The following XAGE5 variants were observed in gnomAD, a reference collection of about 807,000 sequenced individuals.
The protein encoded by XAGE5 is G antigen, family D, 5.
In XAGE5, 13 loss-of-function variants were observed where a neutral mutation model predicts 13.1. That is an observed-to-expected ratio of 0.99 (90% CI 0.64 to 1.57). The LOEUF (loss-of-function observed/expected upper bound fraction) is 1.57, where lower values mean the gene tolerates loss of function less well. Among genes scored for constraint, XAGE5 ranks in the 40% most tolerant of loss-of-function variants. The probability of loss-of-function intolerance (pLI) is 0.00; values close to 1 mark genes in which losing one functional copy is unlikely to be tolerated. For missense variants in XAGE5, 86 were observed against 77.6 expected (o/e 1.11, Z -0.41); for synonymous variants, 17 against 25.0 (o/e 0.68, Z 0.96).
intron 3 of XAGE5, 83 bp downstream of exon 3, chrX:52,812,721 T>G (rs1387662139): frequency 1.2e-6 from 1 of 858,829 alleles, no homozygotes; most frequent in Non-Finnish European, 1.7e-6. Context: ...ATAGATACAC[T>G]GATAAAGGTC....
chrX:52,815,234 G>C lies in XAGE5; in HGVS notation c.304+17G>C, dbSNP rs782691531. 7 of 1,197,136 alleles carry C rather than the reference G, an allele frequency of 5.8e-6. No homozygotes were observed. Among genetic ancestry groups the C allele is most frequent in the African/African-American group, 1.8e-5 (1 of 56,767 alleles). Reference sequence around the variant, plus strand: ...CAGAAGGAGGTATGTTATCCATTAAGATTAAAAATTATGTGCTTTCTGTAT... The same window carrying C: ...CAGAAGGAGGTATGTTATCCATTAACATTAAAAATTATGTGCTTTCTGTAT... On this transcript the variant is annotated intron_variant, in intron 5 of 5. Transcript: ENST00000375501.
rs1926798733 is a variant in XAGE5 at position 52,811,628 on chromosome X, G to T, written c.-100G>T. 9.0e-6 allele frequency among the ~76,000 whole-genome samples: 1 copy of T among 110,779 alleles called. No homozygotes were observed. The highest frequency in any genetic ancestry group is 1.9e-5 in the Non-Finnish European group (1 of 52,897). On this transcript the variant is annotated 5_prime_UTR_variant, in exon 2 of 6. Transcript: ENST00000375501. The stretch of plus-strand genomic sequence containing the variant: ...CTGGGGCAATGCTGGGGTGCTGTTG[G>T]TGGTATTCCAGTCCCAGAAACGCCT...
chrX:52,815,031 T>A (rs1475714223), intron 4 of XAGE5, 61 bp from the exon 5 acceptor site: 2 of 1,182,167 alleles, frequency 1.7e-6, no homozygotes, highest in Admixed American at 2.2e-5. Context: ...AAGAATAGGA[T>A]CATCTCCTTA....
At chrX:52,815,268 A>G (rs1556777975) in intron 5 of XAGE5, 51 bp downstream of exon 5, 1 of 1,129,686 alleles carries the variant, frequency 8.9e-7, no homozygotes, top group African/African-American at 1.8e-5. Flanking sequence ...ATTACACAAT[A>G]TTATACTTTT....
chrX:52,814,241 A>G (rs1556777791), intron 4 of XAGE5: 1 of 329,998 alleles, frequency 3.0e-6, no homozygotes, highest in Non-Finnish European at 5.9e-6. Flanking sequence ...CAGGATAGCA[A>G]CTCCAGAAAA....
In XAGE5 at chrX:52,811,597, G is replaced by A. The variant is rs1926797509; in HGVS notation, c.-131G>A. Among the ~76,000 whole-genome samples the A allele has an allele frequency of 9.0e-6, 1 of 110,999 alleles. No homozygotes were observed. Among genetic ancestry groups the A allele is most frequent in the African/African-American group, 3.3e-5 (1 of 30,454 alleles). ...GGCTTCGGAGTGCGACGGGGGTTAG[G>A]TGAAGCTGGGGCAATGCTGGGGTGC... On this transcript the variant is annotated 5_prime_UTR_variant, in exon 2 of 6. It adds an upstream start codon to the 5' untranslated region. Transcript: ENST00000375501.
chrX:52,812,490 C>T (rs1926817948), intron 2 of XAGE5, 69 bp from the exon 3 acceptor site: 2 of 1,011,712 alleles, frequency 2.0e-6, no homozygotes, highest in Non-Finnish European at 2.7e-6. Context: ...GCCAAGCTGG[C>T]CTCGAGCTTC....
chrX:52,813,275 T>C (rs1308280271), intron 4 of XAGE5, 30 bp downstream of exon 4: 1 of 1,170,627 alleles, frequency 8.5e-7, no homozygotes, highest in Non-Finnish European at 1.2e-6. Flanking sequence ...GGAATGTCTA[T>C]GGGGGGAGGA....
intron 5 of XAGE5, 50 bp from the exon 6 acceptor site, chrX:52,818,141 T>C: frequency 8.3e-7 from 1 of 1,202,325 alleles, no homozygotes; most frequent in Non-Finnish European, 1.1e-6. Context: ...TAATTTCATC[T>C]GAATACAGTT....
chrX:52,814,943 A>T (rs371979785), intron 4 of XAGE5, 149 bp from the exon 5 acceptor site: 2 of 603,971 alleles, frequency 3.3e-6, no homozygotes, highest in Non-Finnish European at 5.1e-6. Flanking sequence ...GTCATTTAAG[A>T]TAAGATATCA....
At chrX:52,812,224 A>G in intron 2 of XAGE5, 1 of 203,149 alleles carries the variant, frequency 4.9e-6, no homozygotes, top group Non-Finnish European at 9.1e-6. Context: ...CAAGTGTGGT[A>G]TACACTCAGG....
At chrX:52,816,834 G>A (rs1375743602) in intron 5 of XAGE5, among the ~76,000 whole-genome samples, 2 of 111,731 alleles carry the variant, frequency 1.8e-5, no homozygotes, top group South Asian at 3.7e-4. Flanking sequence ...AGCGTTAAAT[G>A]CATATCTTAT....
chrX:52,813,617 C>A (rs1926846535), intron 4 of XAGE5, among the ~76,000 whole-genome samples: 2 of 111,430 alleles, frequency 1.8e-5, no homozygotes, highest in South Asian at 7.5e-4. Context: ...TTGTAAGCAC[C>A]CTTTGATAGC....
At position 52,817,747 on chromosome X, in the gene XAGE5, A is replaced by C. The variant is rs146422433; in HGVS notation, c.305-444A>C. Among the ~76,000 whole-genome samples, 440 of 112,398 alleles carry C rather than the reference A, an allele frequency of 3.9e-3. 2 individuals are homozygous for C. The highest frequency in any genetic ancestry group is 0.014 in the African/African-American group (424 of 30,965). On this transcript the variant is annotated intron_variant, in intron 5 of 5. Coordinates refer to ENST00000375501, the MANE Select transcript of XAGE5 (RefSeq NM_001386970.1). ...GACTATTTGTAGGAACCTATTGGAC[A>C]TTCAGACCATACTCTCAAGCCAAAA... is the stretch of plus-strand genomic sequence containing the variant.
At chrX:52,813,288 C>CACA (rs1926840351) in intron 4 of XAGE5, 43 bp downstream of exon 4, 1 of 1,111,526 alleles carries the variant, frequency 9.0e-7, no homozygotes, top group Non-Finnish European at 1.2e-6. Flanking sequence ...GGGGAGGAGG[C>CACA]CTGTGTGTGC....
chrX:52,814,239 C>T, intron 4 of XAGE5: 1 of 330,323 alleles, frequency 3.0e-6, no homozygotes, highest in Non-Finnish European at 5.9e-6. Flanking sequence ...AACAGGATAG[C>T]AACTCCAGAA....
At position 52,815,034 on chromosome X, in the gene XAGE5, TCTC is replaced by T; in HGVS notation, c.179-55_179-53del. 3 of 1,187,729 alleles carry T rather than the reference TCTC, an allele frequency of 2.5e-6. No individual in the cohort carries two copies. The South Asian group carries it at 5.4e-5, about 21-fold the overall frequency. ...AACACTGAGGAAAAGAATAGGATCATCTCCTTATTTATCATTCTGGTTTGGCTG... is the reference window on the plus strand; with the variant it reads ...AACACTGAGGAAAAGAATAGGATCATCTTATTTATCATTCTGGTTTGGCTG... On this transcript the variant is annotated intron_variant, in intron 4 of 5. Coordinates refer to ENST00000375501, the MANE Select transcript of XAGE5 (RefSeq NM_001386970.1).
At chrX:52,814,526 AG>A (rs1556777814) in intron 4 of XAGE5, among the ~76,000 whole-genome samples, 1 of 112,284 alleles carries the variant, frequency 8.9e-6, no homozygotes, top group Non-Finnish European at 1.9e-5. Context: ...TTCACTGTTA[AG>A]GGGTTTCCAG....
At chrX:52,812,531 C>A in intron 2 of XAGE5, 28 bp from the exon 3 acceptor site, 1 of 1,194,865 alleles carries the variant, frequency 8.4e-7, no homozygotes, top group Non-Finnish European at 1.1e-6. Context: ...CCCTCAGCCT[C>A]CCAAAGTGCA....
Sources: allele counts gnomAD v4.1 joint callset (sites outside exome capture counted in the v4.1 genomes callset), GRCh38; gene constraint gnomAD v4.1.1; transcripts MANE v1.5; gene names NCBI Gene and HGNC (gene_info 2026-07-23, HGNC 2026-07-21).